The following PLAGL1 variants were observed in gnomAD, a reference collection of about 807,000 sequenced individuals.
PLAGL1 encodes the protein zinc finger protein PLAGL1.
A neutral mutation model predicts 4.6 loss-of-function variants in PLAGL1; 1 was observed. That is an observed-to-expected ratio of 0.22 (90% confidence interval 0.08 to 1.03). The LOEUF (loss-of-function observed/expected upper bound fraction) is 1.03, where lower values mean the gene tolerates loss of function less well. Ranked by LOEUF, PLAGL1 falls within the 50% of genes least tolerant of loss-of-function variation. The pLI, the probability that PLAGL1 is intolerant of heterozygous loss-of-function variation, is 0.58. For synonymous variants in PLAGL1, 240 were observed against 237.8 expected (o/e 1.01, Z -0.08); for missense variants, 464 against 570.4 (o/e 0.81, Z 1.90).
rs1799618263 is a variant in PLAGL1 at position 144,063,780 on chromosome 6, C to T, written c.-151+688G>A. ...ACACGGCTGTGCACCCGCCAAAGTG[C>T]CCACGCCCACCGTGGCGGGGCGTGT... is the stretch of plus-strand genomic sequence containing the variant. On this transcript the variant is annotated intron_variant, in intron 1 of 3. Transcript: ENST00000437412. This position sits in a 1 kb window ranked among gnomAD's most constrained non-coding sequence, Gnocchi z 5.7. Among the ~76,000 whole-genome samples the T allele has an allele frequency of 6.6e-6, 1 of 152,190 alleles. No homozygotes were observed. The highest frequency in any genetic ancestry group is 2.1e-4 in the South Asian group (1 of 4,826).
intron 1 of PLAGL1, among the ~76,000 whole-genome samples, chr6:144,045,000 CTTTTTTTT>C (rs138373370): frequency 2.1e-5 from 1 of 47,322 alleles, no homozygotes; most frequent in South Asian, 1.0e-3. Flanking sequence ...GCAACCCCTG[CTTTTTTTT>C]TTTTTTTTTT....
At chr6:144,001,280 A>T (rs992732907) in intron 1 of PLAGL1, among the ~76,000 whole-genome samples, 1 of 152,210 alleles carries the variant, frequency 6.6e-6, no homozygotes, top group African/African-American at 2.4e-5. Context: ...GCAATATAAA[A>T]ATGGTATTAG....
In PLAGL1 at chr6:143,965,985, C is replaced by G. The variant is rs970454502; in HGVS notation, c.-431+173G>C. On this transcript the variant is annotated intron_variant, in intron 4 of 7. Coordinates refer to ENST00000674357, the MANE Select transcript of PLAGL1 (RefSeq NM_001317162.2). This position sits in a 1 kb window ranked among gnomAD's most constrained non-coding sequence, Gnocchi z 7.5. Reference sequence around the variant, plus strand: ...CAATTTTCATGTGGCTTCCTTTAAACAAACCACAAGCTTAGTGAGTCAGTT... The same window carrying G: ...CAATTTTCATGTGGCTTCCTTTAAAGAAACCACAAGCTTAGTGAGTCAGTT... 1.3e-5 allele frequency: 2 copies of G among 152,200 alleles called. No individual in the cohort carries two copies. The highest frequency in any genetic ancestry group is 2.9e-5 in the Non-Finnish European group (2 of 68,052). The allele number at this position is 152,200 out of a possible 1,614,324, so 9.4% of individuals were successfully genotyped here. A position where few individuals can be genotyped will look rare whatever the true frequency, so the allele number is the denominator to read the frequency against.
intron 1 of PLAGL1, among the ~76,000 whole-genome samples, chr6:144,019,881 C>T (rs1795847926): frequency 6.6e-6 from 1 of 151,978 alleles, no homozygotes; most frequent in African/African-American, 2.4e-5. Context: ...GCTGGAACAA[C>T]TCCCACAAAT....
chr6:143,984,741 TCTC>T lies in PLAGL1; in HGVS notation c.-544+391_-544+393del, dbSNP rs1788661064. ...TAAAATTGGTTTAGTATATTTCAAT[TCTC>T]CTCCGTAAAAATGACACTTCATAGA... On this transcript the variant is annotated intron_variant, in intron 2 of 7. Transcript: ENST00000674357. The surrounding 1 kb of genome is among the most constrained non-coding windows in gnomAD (Gnocchi z 5.5). 6.6e-6 allele frequency among the ~76,000 whole-genome samples: 1 copy of T among 152,200 alleles called. No homozygotes were observed. The highest frequency in any genetic ancestry group is 2.4e-5 in the African/African-American group (1 of 41,460).
chr6:143,957,526 G>A lies in PLAGL1; in HGVS notation c.-325+2943C>T, dbSNP rs1262020251. 6.6e-6 allele frequency among the ~76,000 whole-genome samples: 1 copy of A among 152,198 alleles called. No individual in the cohort carries two copies. Among genetic ancestry groups the A allele is most frequent in the Non-Finnish European group, 1.5e-5 (1 of 68,030 alleles). ...TGATCTCTTTTCCTGGGACTCTTAA[G>A]TGTAGGACATGGAGGAACCAGAACT... On this transcript the variant is annotated intron_variant, in intron 6 of 7. Transcript: ENST00000674357. The surrounding 1 kb of genome is among the most constrained non-coding windows in gnomAD (Gnocchi z 4.2).
intron 1 of PLAGL1, among the ~76,000 whole-genome samples, chr6:143,992,142 A>G (rs937397622): frequency 2.0e-5 from 3 of 152,186 alleles, no homozygotes; most frequent in Admixed American, 1.3e-4. Flanking sequence ...AAGTGTTTCT[A>G]TTTATATCCT....
At position 143,983,774 on chromosome 6, in the gene PLAGL1, G is replaced by C. The variant is rs1268943072; in HGVS notation, c.-544+1361C>G. Among the ~76,000 whole-genome samples the C allele has an allele frequency of 6.6e-6, 1 of 152,084 alleles. No homozygotes were observed. Among genetic ancestry groups the C allele is most frequent in the Non-Finnish European group, 1.5e-5 (1 of 68,016 alleles). ...TCTAGGTGGAGTTAAAAATGTGTTG[G>C]AGTGGGAGGACAGATGGAGAATGGG... On this transcript the variant is annotated intron_variant, in intron 2 of 7. Coordinates refer to ENST00000674357, the MANE Select transcript of PLAGL1 (RefSeq NM_001317162.2). This position sits in a 1 kb window ranked among gnomAD's most constrained non-coding sequence, Gnocchi z 6.6.
At position 144,013,938 on chromosome 6, in the gene PLAGL1, C is replaced by A. The variant is rs1455137246; in HGVS notation, c.-150-44960G>T. 6.6e-6 allele frequency among the ~76,000 whole-genome samples: 1 copy of A among 152,164 alleles called. No individual in the cohort carries two copies. The highest frequency in any genetic ancestry group is 1.5e-5 in the Non-Finnish European group (1 of 68,032). The stretch of plus-strand genomic sequence containing the variant: ...TTAGGACACAAATATTTTCGAGGGT[C>A]ATCAGTCAGTCCTCATGTCAAAGTT... On this transcript the variant is annotated intron_variant, in intron 1 of 3. Coordinates refer to the PLAGL1 transcript ENST00000437412. The surrounding 1 kb of genome is among the most constrained non-coding windows in gnomAD (Gnocchi z 4.4).
chr6:144,008,601 T>G (rs1794856745), upstream of PLAGL1: 1 of 152,222 alleles, frequency 6.6e-6, no homozygotes, highest in African/African-American at 2.4e-5. The surrounding 1 kb of genome is among the most constrained non-coding windows in gnomAD (Gnocchi z 6.9). Flanking sequence ...CTGGCGCAGG[T>G]AGACCCGAGC....
At chr6:144,045,095 T>C (rs1032542126) in intron 1 of PLAGL1, among the ~76,000 whole-genome samples, 6 of 149,084 alleles carry the variant, frequency 4.0e-5, no homozygotes, top group African/African-American at 1.5e-4. Context: ...GTGAGATGGG[T>C]CTCCTGAATA....
chr6:143,977,083 T>TCCCC (rs55975019), intron 2 of PLAGL1, among the ~76,000 whole-genome samples: 32 of 136,878 alleles, frequency 2.3e-4, no homozygotes, highest in East Asian at 4.4e-4. Flanking sequence ...TATACTCCCT[T>TCCCC]CCCCCCCCCC....
intron 1 of PLAGL1, among the ~76,000 whole-genome samples, chr6:144,035,610 T>C (rs1355799859): frequency 1.3e-5 from 2 of 152,198 alleles, no homozygotes; most frequent in Non-Finnish European, 2.9e-5. Context: ...CCAGGAACAA[T>C]GCTTTGCATC....
chr6:144,026,620 T>C (rs1352893618), intron 1 of PLAGL1, among the ~76,000 whole-genome samples: 1 of 152,194 alleles, frequency 6.6e-6, no homozygotes, highest in Non-Finnish European at 1.5e-5. Flanking sequence ...TAGAAACCCA[T>C]GTTTTCCAAT....
chr6:144,024,220 G>A (rs966196381), intron 1 of PLAGL1, among the ~76,000 whole-genome samples: 1 of 152,156 alleles, frequency 6.6e-6, no homozygotes, highest in Non-Finnish European at 1.5e-5. Flanking sequence ...AACACACCTG[G>A]TCAGATTTTC....
intron 1 of PLAGL1, among the ~76,000 whole-genome samples, chr6:143,993,863 A>G (rs1791077995): frequency 6.6e-6 from 1 of 152,180 alleles, no homozygotes. Context: ...CTGGAGACAA[A>G]CAGATAAGAA....
At position 143,960,632 on chromosome 6, in the gene PLAGL1, A is replaced by G. The variant is rs536194195; in HGVS notation, c.-398-90T>C. 1 of 152,354 alleles carries G rather than the reference A, an allele frequency of 6.6e-6. No individual in the cohort carries two copies. The highest frequency in any genetic ancestry group is 1.9e-4 in the East Asian group (1 of 5,190). The allele number at this position is 152,354 out of a possible 1,614,324, so 9.4% of individuals were successfully genotyped here. Reference sequence around the variant, plus strand: ...ACCCCCTGAACTTCACTTCTAGAGCACACACACGACTGGCGATGTGCACAG... The same window carrying G: ...ACCCCCTGAACTTCACTTCTAGAGCGCACACACGACTGGCGATGTGCACAG... On this transcript the variant is annotated intron_variant, in intron 5 of 7. Coordinates refer to ENST00000674357, the MANE Select transcript of PLAGL1 (RefSeq NM_001317162.2). The surrounding 1 kb of genome is among the most constrained non-coding windows in gnomAD (Gnocchi z 5.7).
chr6:143,983,190 G>C lies in PLAGL1; in HGVS notation c.-544+1945C>G, dbSNP rs1247040513. On this transcript the variant is annotated intron_variant, in intron 2 of 7. Coordinates refer to ENST00000674357, the MANE Select transcript of PLAGL1 (RefSeq NM_001317162.2). The surrounding 1 kb of genome is among the most constrained non-coding windows in gnomAD (Gnocchi z 6.6). ...ACAAGAGAAGAACATACTTCACAGA[G>C]CAGCATGATCAGTGGGGTCAGTGCT... Among the ~76,000 whole-genome samples, 3 of 152,168 alleles carry C rather than the reference G, an allele frequency of 2.0e-5. No individual in the cohort carries two copies. Among genetic ancestry groups the C allele is most frequent in the African/African-American group, 7.2e-5 (3 of 41,436 alleles).
At chr6:144,040,939 C>G (rs1409461194) in intron 1 of PLAGL1, among the ~76,000 whole-genome samples, 1 of 152,022 alleles carries the variant, frequency 6.6e-6, no homozygotes, top group African/African-American at 2.4e-5. Flanking sequence ...GTAAAGATAG[C>G]CCACCTTGAA....
Sources: allele counts gnomAD v4.1 joint callset (sites outside exome capture counted in the v4.1 genomes callset), GRCh38; gene constraint gnomAD v4.1.1; non-coding constraint Gnocchi (gnomAD v3.1); transcripts MANE v1.5; gene names NCBI Gene and HGNC (gene_info 2026-07-23, HGNC 2026-07-21).